Variants in SMAD3 observed in about 807,000 individuals in gnomAD.
SMAD3 encodes the protein MAD homolog 3.
A neutral mutation model predicts 51.8 loss-of-function variants in SMAD3; 12 were observed. That is an observed-to-expected ratio of 0.23 (90% confidence interval 0.15 to 0.38). The LOEUF (loss-of-function observed/expected upper bound fraction) is 0.38. Among genes scored for constraint, SMAD3 ranks in the 10% least tolerant of loss-of-function variants. The pLI is 1.00. For synonymous variants in SMAD3, 238 were observed against 227.7 expected, an observed-to-expected ratio of 1.05 and a Z score of -0.41; for missense variants, 294 against 565.6, an observed-to-expected ratio of 0.52 and a Z score of 4.87.
At chr15:67,144,914 T>TG (rs1236465763) in intron 1 of SMAD3, among the ~76,000 whole-genome samples, 7 of 152,130 alleles carry the variant, frequency 4.6e-5, no homozygotes, top group African/African-American at 1.7e-4. Context: ...GATTGCGTGA[T>TG]GGGGGCTGGA....
At chr15:67,102,290 C>T (rs530626499) in intron 1 of SMAD3, among the ~76,000 whole-genome samples, 3 of 137,532 alleles carry the variant, frequency 2.2e-5, no homozygotes, top group Admixed American at 1.4e-4. Flanking sequence ...TGCATGCTCG[C>T]GTGCATGAGT....
intron 1 of SMAD3, among the ~76,000 whole-genome samples, chr15:67,116,807 C>T (rs1961145343): frequency 1.3e-5 from 2 of 152,102 alleles, no homozygotes; most frequent in African/African-American, 4.8e-5. Flanking sequence ...GACTTCTCAG[C>T]CATTGGGAAA....
chr15:67,166,614 G>C (rs935865006), intron 3 of SMAD3, 165 bp from the exon 4 acceptor site: 3 of 685,186 alleles, frequency 4.4e-6, no homozygotes, highest in Non-Finnish European at 5.4e-6. Context: ...GTGGACAGGG[G>C]CGAGGACAAC....
chr15:67,098,363 CAA>C (rs1254236733), intron 1 of SMAD3, among the ~76,000 whole-genome samples: 8 of 134,944 alleles, frequency 5.9e-5, no homozygotes, highest in African/African-American at 1.0e-4. Context: ...AGCGAGCGAG[CAA>C]GCAAGCAAGC....
chr15:67,141,104 G>A (rs561200781), intron 1 of SMAD3, among the ~76,000 whole-genome samples: 2 of 152,352 alleles, frequency 1.3e-5, no homozygotes, highest in East Asian at 3.9e-4. Context: ...CCGATCAATT[G>A]ATGGCTGTCT....
chr15:67,125,356 C>T (rs950855893), intron 1 of SMAD3, among the ~76,000 whole-genome samples: 1 of 152,226 alleles, frequency 6.6e-6, no homozygotes, highest in Non-Finnish European at 1.5e-5. Flanking sequence ...GTGGCTAGAT[C>T]CACGATCTTC....
intron 1 of SMAD3, chr15:67,098,784 C>T: frequency 1.5e-6 from 1 of 666,924 alleles, no homozygotes; most frequent in Non-Finnish European, 2.7e-6. Flanking sequence ...TGGAAGTGGG[C>T]ATGGAGGGTC....
intron 1 of SMAD3, among the ~76,000 whole-genome samples, chr15:67,067,077 C>T (rs1159445120): frequency 1.3e-5 from 2 of 151,868 alleles, no homozygotes; most frequent in Non-Finnish European, 1.5e-5. Flanking sequence ...CCCCCCCATC[C>T]CGACTCTTTT....
rs1963408653 is a variant in SMAD3 at position 67,193,150 on chromosome 15, A to G, written c.*2614A>G. 1 of 233,270 alleles carries G rather than the reference A, an allele frequency of 4.3e-6. No individual in the cohort carries two copies. The highest frequency in any genetic ancestry group is 5.6e-5 in the Admixed American group (1 of 17,784). 14.5% of individuals were successfully genotyped at this position (233,270 alleles called of 1,614,324 possible). A position where few individuals can be genotyped will look rare whatever the true frequency, so the allele number is the denominator to read the frequency against. ...TTTCTTAGTTTTAAAATCCTGTTGT[A>G]TGAATGGCATTTGTATATTAAAACA... On this transcript the variant is annotated 3_prime_UTR_variant, in exon 9 of 9. Transcript: ENST00000327367.
At chr15:67,166,423 A>G in intron 3 of SMAD3, 1 of 424,434 alleles carries the variant, frequency 2.4e-6, no homozygotes, top group African/African-American at 2.0e-5. Context: ...TTCAGAGGAC[A>G]GAAAGGGGTG....
In SMAD3 at chr15:67,097,304, C is replaced by T. The variant is rs190705754; in HGVS notation, c.206+30944C>T. On this transcript the variant is annotated intron_variant, in intron 1 of 8. Coordinates refer to ENST00000327367, the MANE Select transcript of SMAD3 (RefSeq NM_005902.4). ...GATATTGGCACACTGCAGCCTTGAC[C>T]TCCCAGCTCAAGCGATCTTCCCACC... Among the ~76,000 whole-genome samples the T allele has an allele frequency of 1.4e-3, 215 of 152,268 alleles. 1 individual carries two copies. The highest frequency in any genetic ancestry group is 4.7e-3 in the African/African-American group (196 of 41,546).
intron 1 of SMAD3, chr15:67,138,468 C>A (rs1961728987): frequency 9.4e-6 from 2 of 212,120 alleles, no homozygotes. Flanking sequence ...CCAGTCATCG[C>A]TGTACTGAGC....
At chr15:67,091,544 G>T (rs1960509254) in intron 1 of SMAD3, among the ~76,000 whole-genome samples, 1 of 152,214 alleles carries the variant, frequency 6.6e-6, no homozygotes, top group Non-Finnish European at 1.5e-5. Context: ...AGAAATGAAA[G>T]TACAGGGATT....
At chr15:67,169,071 G>A (rs1962672340) in intron 4 of SMAD3, among the ~76,000 whole-genome samples, 1 of 152,184 alleles carries the variant, frequency 6.6e-6, no homozygotes. Context: ...CGGTCATGGT[G>A]TAAGCATTTT....
intron 8 of SMAD3, 49 bp from the exon 9 acceptor site, chr15:67,190,364 T>C (rs768009033): frequency 1.1e-5 from 17 of 1,576,498 alleles, no homozygotes; most frequent in Non-Finnish European, 1.5e-5. Context: ...TGTAACCCCC[T>C]GGAGATTTTT....
intron 1 of SMAD3, among the ~76,000 whole-genome samples, chr15:67,079,591 G>A (rs61414048): frequency 0.053 from 8,029 of 152,248 alleles, 242 homozygotes; most frequent in East Asian, 0.11. Context: ...ATCCTGGTAC[G>A]TGTTGCATGG....
chr15:67,151,963 T>C (rs750548620), intron 1 of SMAD3, among the ~76,000 whole-genome samples: 4 of 152,142 alleles, frequency 2.6e-5, no homozygotes, highest in Non-Finnish European at 5.9e-5. Context: ...ATATATTACA[T>C]AATAATTGTA....
chr15:67,107,343 C>T (rs776683739), intron 1 of SMAD3, among the ~76,000 whole-genome samples: 7 of 152,020 alleles, frequency 4.6e-5, no homozygotes, highest in Non-Finnish European at 1.0e-4. Context: ...TTCAGAGCCT[C>T]GAAATCTTCC....
chr15:67,075,411 G>A (rs1960146977), intron 1 of SMAD3, among the ~76,000 whole-genome samples: 1 of 152,194 alleles, frequency 6.6e-6, no homozygotes, highest in African/African-American at 2.4e-5. Flanking sequence ...TACCCAGACA[G>A]GTTCTTCACA....
Sources: allele counts gnomAD v4.1 joint callset (sites outside exome capture counted in the v4.1 genomes callset), GRCh38; gene constraint gnomAD v4.1.1; transcripts MANE v1.5; gene names NCBI Gene and HGNC (gene_info 2026-07-23, HGNC 2026-07-21).